Variants in TECR observed in about 807,000 individuals in gnomAD.
TECR encodes the protein very-long-chain enoyl-CoA reductase.
A neutral mutation model predicts 50.6 loss-of-function variants in TECR; 19 were observed. That is an observed-to-expected ratio of 0.38 (90% CI 0.26 to 0.55). The LOEUF is 0.55. Ranked by LOEUF, TECR falls within the 20% of genes least tolerant of loss-of-function variation. The pLI is 0.79. For synonymous variants in TECR, 168 were observed against 163.5 expected (o/e 1.03, Z -0.21); for missense variants, 313 against 408.3 (o/e 0.77, Z 2.01).
intron 1 of TECR, among the ~76,000 whole-genome samples, chr19:14,552,005 C>T (rs1354882859): frequency 3.0e-5 from 4 of 131,212 alleles, no homozygotes; most frequent in Non-Finnish European, 4.7e-5. Context: ...GATGGAGTCT[C>T]GCTCTGTCGC....
Position 14,563,563 on chromosome 19 carries a change from C to T in TECR, c.119-95C>T, listed in dbSNP as rs1434864959. 3 of 1,556,858 alleles carry T rather than the reference C, an allele frequency of 1.9e-6. No individual in the cohort carries two copies. Among genetic ancestry groups the T allele is most frequent in the East Asian group, 2.3e-5 (1 of 44,054 alleles). ...GCTGTGGAGTCCTGGGGTCCTTGCACCCTGGGAACCCTGAGAAGCTGGCAC... is the reference window on the plus strand; with the variant it reads ...GCTGTGGAGTCCTGGGGTCCTTGCATCCTGGGAACCCTGAGAAGCTGGCAC... On this transcript the variant is annotated intron_variant, in intron 3 of 12. Transcript: ENST00000215567. The surrounding 1 kb of genome is among the most constrained non-coding windows in gnomAD (Gnocchi z 5.3).
chr19:14,536,415 GC>G (rs2072901713), intron 1 of TECR, among the ~76,000 whole-genome samples: 2 of 151,782 alleles, frequency 1.3e-5, no homozygotes, highest in African/African-American at 4.8e-5. Context: ...GATTACAGGC[GC>G]CCACCACCAC....
In TECR at chr19:14,540,774, C is replaced by T. The variant is rs150350318; in HGVS notation, c.15+11063C>T. On this transcript the variant is annotated intron_variant, in intron 1 of 12. Transcript: ENST00000215567. ...GAACTCTTGATCTTAAGTGATCTGC[C>T]GGCCTCGGCCTCCCAAGTAGCTGGG... Among the ~76,000 whole-genome samples the T allele has an allele frequency of 8.9e-3, 1,356 of 152,286 alleles. 22 individuals are homozygous for T. Among genetic ancestry groups the T allele is most frequent in the African/African-American group, 0.031 (1,301 of 41,544 alleles).
chr19:14,534,491 A>C (rs184875702), intron 1 of TECR, among the ~76,000 whole-genome samples: 3 of 113,662 alleles, frequency 2.6e-5, no homozygotes, highest in East Asian at 5.7e-4. Flanking sequence ...GCTGGAGTGC[A>C]GTGATGTGAT....
intron 1 of TECR, among the ~76,000 whole-genome samples, chr19:14,561,413 C>T (rs1042857016): frequency 6.6e-6 from 1 of 152,128 alleles, no homozygotes; most frequent in Admixed American, 6.5e-5. Context: ...TGGGTCAGAT[C>T]CCCGGGGGCT....
rs2073980961 is a variant in TECR, at chr19:14,563,961, C to T, written c.268-21C>T. ...CCGTCAGCCACGTTGGGTGACTCATCTTGCCCCCCTCTACTCTCAGGTCTT... is the reference window on the plus strand; with the variant it reads ...CCGTCAGCCACGTTGGGTGACTCATTTTGCCCCCCTCTACTCTCAGGTCTT... On this transcript the variant is annotated intron_variant, in intron 5 of 12. Transcript: ENST00000215567. The surrounding 1 kb of genome is among the most constrained non-coding windows in gnomAD (Gnocchi z 5.3). 6.2e-7 allele frequency: 1 copy of T among 1,613,952 alleles called. No homozygotes were observed. The highest frequency in any genetic ancestry group is 1.7e-5 in the Admixed American group (1 of 60,020).
intron 1 of TECR, chr19:14,529,932 A>G (rs1480079068): frequency 4.6e-6 from 3 of 655,010 alleles, no homozygotes; most frequent in South Asian, 1.9e-5. Flanking sequence ...TTTTGGGGGT[A>G]CTTTTTCTTG....
At chr19:14,554,753 G>C (rs999143648) in intron 1 of TECR, among the ~76,000 whole-genome samples, 10 of 151,406 alleles carry the variant, frequency 6.6e-5, no homozygotes, top group African/African-American at 2.2e-4. Flanking sequence ...CTCCACATCT[G>C]TCCAGAATTT....
chr19:14,543,729 C>T (rs1425960354), intron 1 of TECR, among the ~76,000 whole-genome samples: 4 of 148,292 alleles, frequency 2.7e-5, no homozygotes, highest in Non-Finnish European at 3.0e-5. Context: ...TGAGCCACCG[C>T]GCCCGGCTAT....
intron 1 of TECR, among the ~76,000 whole-genome samples, chr19:14,543,648 C>T (rs1281659874): frequency 2.7e-5 from 4 of 148,980 alleles, no homozygotes; most frequent in Non-Finnish European, 4.5e-5. Context: ...CCGTGTTAGC[C>T]AGGATGGTCT....
chr19:14,553,477 C>T (rs965469376), intron 1 of TECR, among the ~76,000 whole-genome samples: 1 of 152,124 alleles, frequency 6.6e-6, no homozygotes, highest in Non-Finnish European at 1.5e-5. Flanking sequence ...CCGGGTGCCA[C>T]TGAGAAACGA....
intron 1 of TECR, among the ~76,000 whole-genome samples, chr19:14,554,455 G>A (rs1163511753): frequency 1.3e-5 from 2 of 151,966 alleles, no homozygotes; most frequent in Non-Finnish European, 2.9e-5. Flanking sequence ...GGGTCCTGTG[G>A]TGTGGACTCT....
chr19:14,555,024 A>G (rs962296606), intron 1 of TECR, among the ~76,000 whole-genome samples: 1 of 150,620 alleles, frequency 6.6e-6, no homozygotes, highest in Admixed American at 6.6e-5. Context: ...TGATCTGCCC[A>G]CGTCCGCCTC....
At chr19:14,534,648 G>T (rs191225136) in intron 1 of TECR, among the ~76,000 whole-genome samples, 2 of 151,998 alleles carry the variant, frequency 1.3e-5, no homozygotes, top group Non-Finnish European at 2.9e-5. Flanking sequence ...GTTAGTCCAG[G>T]CTGGTCTCGA....
intron 1 of TECR, among the ~76,000 whole-genome samples, chr19:14,553,081 GTGTT>G (rs774048739): frequency 6.6e-6 from 1 of 152,184 alleles, no homozygotes; most frequent in South Asian, 2.1e-4. Context: ...ACTTCCCACT[GTGTT>G]TGTCTTGTGC....
intron 1 of TECR, among the ~76,000 whole-genome samples, chr19:14,556,053 C>A (rs1267850335): frequency 6.6e-6 from 1 of 152,212 alleles, no homozygotes. Flanking sequence ...GCTGCCACTT[C>A]ACTCAGAGTA....
In TECR at chr19:14,562,156, G is replaced by A. The variant is rs1272749017; in HGVS notation, c.16-369G>A. ...ATGGCTCCTGGGGGGCGCAGTCTGGGGTGGTTTTATATTTAGCTGGGCTGT... is the reference window on the plus strand; with the variant it reads ...ATGGCTCCTGGGGGGCGCAGTCTGGAGTGGTTTTATATTTAGCTGGGCTGT... On this transcript the variant is annotated intron_variant, in intron 1 of 12. Transcript: ENST00000215567. 55 of 582,574 alleles carry A rather than the reference G, an allele frequency of 9.4e-5. No individual in the cohort carries two copies. The South Asian group carries it at 1.1e-3, about 11-fold the overall frequency. 36.1% of individuals were successfully genotyped at this position (582,574 alleles called of 1,614,324 possible). A position where few individuals can be genotyped will look rare whatever the true frequency, so the allele number is the denominator to read the frequency against.
rs772297819 is a variant in TECR at position 14,563,700 on chromosome 19, C to G, written c.161C>G (p.Pro54Arg). ...YPARQSLRLD[P>R]KGKSLKDEDV... Reference sequence around the variant, plus strand: ...GCCCGCCAGTCCCTCCGCCTGGACCCCAGTGAGTACAGCTGTCCACTCGGC... The same window carrying G: ...GCCCGCCAGTCCCTCCGCCTGGACCGCAGTGAGTACAGCTGTCCACTCGGC... The change falls in exon 4 of 13, where the codon CCC becomes CGC. Residue 54 changes from proline (P) to arginine (R), a missense_variant and splice_region_variant. Physicochemically the swap from Pro to Arg is moderately radical, Grantham distance 103 (BLOSUM62 -2). Transcript: ENST00000215567. The surrounding 1 kb of genome is among the most constrained non-coding windows in gnomAD (Gnocchi z 5.3). The G allele has an allele frequency of 2.9e-5, 47 of 1,613,080 alleles. No homozygotes were observed. The highest frequency in any genetic ancestry group is 3.9e-5 in the Non-Finnish European group (46 of 1,179,914).
chr19:14,557,455 C>A (rs559905599), intron 1 of TECR, among the ~76,000 whole-genome samples: 1 of 146,808 alleles, frequency 6.8e-6, no homozygotes, highest in East Asian at 2.1e-4. Flanking sequence ...CATATTTATT[C>A]TTTTTTTAAA....
Sources: gnomAD v4.1 joint callset for allele counts (sites outside exome capture counted in the v4.1 genomes callset) on GRCh38, gnomAD v4.1.1 for gene constraint, Gnocchi (gnomAD v3.1) non-coding constraint, MANE v1.5 for transcripts, NCBI Gene and HGNC (gene_info 2026-07-23, HGNC 2026-07-21) for gene names.